CDH18: variants seen among roughly 807,000 people sequenced by gnomAD.
CDH18 encodes the protein cadherin 18, also known as cadherin-18.
Under a neutral mutation model 67.9 loss-of-function variants are expected in CDH18, and 31 were observed. That is an observed-to-expected ratio of 0.46 (90% confidence interval 0.34 to 0.62). The LOEUF (loss-of-function observed/expected upper bound fraction) is 0.62, where lower values mean the gene tolerates loss of function less well. Among genes scored for constraint, CDH18 ranks in the 20% least tolerant of loss-of-function variants. CDH18 has a pLI of 0.01. For missense variants in CDH18, 890 were observed against 975.5 expected (o/e 0.91, Z 1.17); for synonymous variants, 362 against 347.2 (o/e 1.04, Z -0.48).
intron 2 of CDH18, among the ~76,000 whole-genome samples, chr5:20,172,212 A>ATATATATACGTATATATATG (rs1736822304): frequency 2.0e-5 from 1 of 50,724 alleles, no homozygotes; most frequent in Non-Finnish European, 3.8e-5. Flanking sequence ...ATATATATAT[A>ATATATATACGTATATATATG]TATATATATA....
intron 1 of CDH18, among the ~76,000 whole-genome samples, chr5:20,338,879 G>T (rs948822758): frequency 3.9e-5 from 6 of 152,180 alleles, no homozygotes; most frequent in African/African-American, 1.4e-4. Flanking sequence ...GGAAGGCAAA[G>T]ACACCAACAG....
chr5:20,467,096 A>G (rs1400579519), intron 1 of CDH18, among the ~76,000 whole-genome samples: 2 of 152,120 alleles, frequency 1.3e-5, no homozygotes, highest in Non-Finnish European at 2.9e-5. Flanking sequence ...GTTTAACAAG[A>G]TTATTTGATG....
At chr5:19,574,102 T>G (rs562925791) in intron 7 of CDH18, among the ~76,000 whole-genome samples, 1 of 152,152 alleles carries the variant, frequency 6.6e-6, no homozygotes, top group Non-Finnish European at 1.5e-5. Flanking sequence ...TGTGGAGGGA[T>G]TTGGGCCACC....
intron 2 of CDH18, among the ~76,000 whole-genome samples, chr5:19,874,038 C>CA (rs1786653361): frequency 6.6e-6 from 1 of 152,160 alleles, no homozygotes; most frequent in African/African-American, 2.4e-5. Context: ...TGTATACTGG[C>CA]ATGTGCTCAA....
At chr5:20,403,736 T>C (rs1201134108) in intron 1 of CDH18, among the ~76,000 whole-genome samples, 1 of 152,200 alleles carries the variant, frequency 6.6e-6, no homozygotes, top group Non-Finnish European at 1.5e-5. Flanking sequence ...AATTCTAAAC[T>C]GGCCTTGGAA....
intron 6 of CDH18, among the ~76,000 whole-genome samples, chr5:19,604,075 T>C (rs1046808978): frequency 6.6e-6 from 1 of 151,970 alleles, no homozygotes; most frequent in Non-Finnish European, 1.5e-5. Context: ...CTACTGATTA[T>C]GGAAAATACA....
intron 1 of CDH18, among the ~76,000 whole-genome samples, chr5:20,507,896 C>T (rs544518314): frequency 6.6e-6 from 1 of 152,102 alleles, no homozygotes; most frequent in African/African-American, 2.4e-5. Flanking sequence ...TCTTTTAAGG[C>T]AATATCTAGA....
chr5:19,608,221 G>A (rs865999198), intron 6 of CDH18, among the ~76,000 whole-genome samples: 1 of 151,582 alleles, frequency 6.6e-6, no homozygotes, highest in South Asian at 2.1e-4. Flanking sequence ...AGTAGGAACA[G>A]TTATCAAAAT....
intron 3 of CDH18, among the ~76,000 whole-genome samples, chr5:19,783,708 T>C (rs1775381979): frequency 6.6e-6 from 1 of 152,162 alleles, no homozygotes; most frequent in Non-Finnish European, 1.5e-5. Flanking sequence ...TGCTATGAGG[T>C]GGAGTCTCAT....
chr5:19,720,091 T>C (rs2150573145), intron 5 of CDH18, among the ~76,000 whole-genome samples: 1 of 152,216 alleles, frequency 6.6e-6, no homozygotes, highest in Middle Eastern at 3.4e-3. Context: ...ACAAAACTCT[T>C]GGTAAACAAT....
At chr5:19,599,875 A>C (rs1264657531) in intron 6 of CDH18, among the ~76,000 whole-genome samples, 2 of 152,150 alleles carry the variant, frequency 1.3e-5, no homozygotes, top group Non-Finnish European at 2.9e-5. Flanking sequence ...CGACAGAGCG[A>C]GACTGTGTCT....
intron 1 of CDH18, among the ~76,000 whole-genome samples, chr5:20,442,753 A>G (rs575303154): frequency 6.6e-6 from 1 of 151,890 alleles, no homozygotes; most frequent in Non-Finnish European, 1.5e-5. Context: ...AGCCTGCTAT[A>G]CCTCTGACAA....
chr5:19,719,099 C>A (rs915293610), intron 5 of CDH18, among the ~76,000 whole-genome samples: 1 of 151,992 alleles, frequency 6.6e-6, no homozygotes, highest in Non-Finnish European at 1.5e-5. Context: ...CAAACATTCA[C>A]ATTCAGACAC....
intron 8 of CDH18, among the ~76,000 whole-genome samples, chr5:19,557,965 A>G (rs1272773462): frequency 6.6e-6 from 1 of 152,088 alleles, no homozygotes; most frequent in Non-Finnish European, 1.5e-5. Context: ...ATATTGGAAT[A>G]AAATTGAAAA....
chr5:20,501,917 CAT>C (rs1025687827), intron 1 of CDH18, among the ~76,000 whole-genome samples: 8 of 147,586 alleles, frequency 5.4e-5, no homozygotes, highest in Non-Finnish European at 1.0e-4. Flanking sequence ...CACACACACA[CAT>C]TTTATTATTT....
chr5:20,214,492 T>C (rs570616312), intron 2 of CDH18, among the ~76,000 whole-genome samples: 6 of 152,054 alleles, frequency 3.9e-5, no homozygotes, highest in Admixed American at 6.6e-5. Context: ...AAAACATACA[T>C]AGACCAATGG....
chr5:20,282,825 C>T lies in CDH18; in HGVS notation c.-579-27320G>A, dbSNP rs181202199. Among the ~76,000 whole-genome samples the T allele has an allele frequency of 3.7e-3, 561 of 152,122 alleles. 4 individuals carry two copies. In the Middle Eastern group the frequency reaches 0.041, roughly 11 times the overall value. ...AACACAAAAGACCAAAATAGCCAAA[C>T]TTATTCTGAGCAAAAAGAATAAAAT... On this transcript the variant is annotated intron_variant, in intron 1 of 14. Coordinates refer to the CDH18 transcript ENST00000507958.
Position 19,937,968 on chromosome 5 carries a change from T to TATATAC in CDH18, c.-257+43091_-257+43092insGTATAT, listed in dbSNP as rs910630628. 7.4e-5 allele frequency among the ~76,000 whole-genome samples: 11 copies of TATATAC among 148,562 alleles called. No homozygotes were observed. In the Middle Eastern group the frequency reaches 0.011, roughly 144 times the overall value. ...CTTGAAAAAATATATTTGCTATATA[T>TATATAC]ATATATAGTGTATATAAATAGCAAA... On this transcript the variant is annotated intron_variant, in intron 2 of 12. Coordinates refer to ENST00000382275, the MANE Select transcript of CDH18 (RefSeq NM_004934.5).
At chr5:19,927,170 T>C (rs897592422) in intron 2 of CDH18, among the ~76,000 whole-genome samples, 10 of 152,188 alleles carry the variant, frequency 6.6e-5, no homozygotes, top group African/African-American at 2.4e-4. Flanking sequence ...TTTGAAGGGT[T>C]TGAGATTTTA....
Sources: allele counts gnomAD v4.1 joint callset (sites outside exome capture counted in the v4.1 genomes callset), GRCh38; gene constraint gnomAD v4.1.1; transcripts MANE v1.5; gene names NCBI Gene and HGNC (gene_info 2026-07-23, HGNC 2026-07-21).